The following RCN3 variants were observed in gnomAD, a reference collection of about 807,000 sequenced individuals.
RCN3 encodes the protein reticulocalbin-3.
In RCN3, 41 loss-of-function variants were observed where a neutral mutation model predicts 35.9. The observed-to-expected ratio is 1.14, with a 90% CI of 0.89 to 1.48. The LOEUF is 1.48. Ranked by LOEUF, RCN3 falls within the 40% of genes most tolerant of loss-of-function variation. RCN3 has a pLI of 0.00. For synonymous variants in RCN3, 187 were observed against 193.4 expected (o/e 0.97, Z 0.27); for missense variants, 451 against 471.3 (o/e 0.96, Z 0.40).
At chr19:49,538,803 G>C (rs749158123) in intron 4 of RCN3, among the ~76,000 whole-genome samples, 1 of 152,186 alleles carries the variant, frequency 6.6e-6, no homozygotes, top group Non-Finnish European at 1.5e-5. Flanking sequence ...CCCTTGGAGG[G>C]TGTTTGCTGG....
chr19:49,533,559 G>A (rs1316588064), intron 2 of RCN3, among the ~76,000 whole-genome samples: 1 of 152,182 alleles, frequency 6.6e-6, no homozygotes, highest in Non-Finnish European at 1.5e-5. Flanking sequence ...GAGGGGCAGA[G>A]GGAGACTGAG....
At chr19:49,531,013 G>C (rs1480614829) in intron 2 of RCN3, among the ~76,000 whole-genome samples, 1 of 152,176 alleles carries the variant, frequency 6.6e-6, no homozygotes, top group African/African-American at 2.4e-5. Flanking sequence ...AGTGGGAGGT[G>C]AGGGCAGAGA....
intron 1 of RCN3, 97 bp from the exon 2 acceptor site, chr19:49,528,370 G>T: frequency 8.2e-7 from 1 of 1,217,278 alleles, no homozygotes; most frequent in Non-Finnish European, 1.1e-6. Context: ...CCAACTCCCT[G>T]TCCTGTCCTA....
intron 1 of RCN3, 157 bp from the exon 2 acceptor site, chr19:49,528,310 T>C: frequency 3.1e-6 from 2 of 640,432 alleles, no homozygotes; most frequent in Non-Finnish European, 4.9e-6. Context: ...TCCCGCCCTC[T>C]TTTCCCCCAT....
chr19:49,539,074 G>A (rs1198436454), intron 4 of RCN3, 45 bp from the exon 5 acceptor site: 1 of 1,479,600 alleles, frequency 6.8e-7, no homozygotes, highest in Non-Finnish European at 9.2e-7. Context: ...TCCCCCAGGA[G>A]CCAGGGTCAT....
intron 2 of RCN3, among the ~76,000 whole-genome samples, chr19:49,533,095 T>C (rs901882003): frequency 1.3e-4 from 20 of 152,190 alleles, no homozygotes; most frequent in African/African-American, 4.8e-4. Flanking sequence ...AGAGGTTAAG[T>C]CACTTGCCCA....
chr19:49,535,429 C>T (rs975716732), intron 3 of RCN3, among the ~76,000 whole-genome samples: 17 of 152,168 alleles, frequency 1.1e-4, no homozygotes, highest in African/African-American at 4.1e-4. Context: ...TCAATTTTTG[C>T]ATTCAGAAAG....
chr19:49,529,254 G>T (rs1296159660), intron 2 of RCN3, among the ~76,000 whole-genome samples: 2 of 152,120 alleles, frequency 1.3e-5, no homozygotes, highest in South Asian at 2.1e-4. Context: ...CCCCCTAAGC[G>T]CTCCTTATTC....
rs372975993 is a variant in RCN3 at position 49,539,167 on chromosome 19, G to A, written c.667G>A (p.Glu223Lys). Residue 223 changes from glutamate (E) to lysine (K), a missense_variant, in exon 5 of 7, where the codon GAG (glutamate) becomes AAG (lysine). Physicochemically the swap from Glu to Lys is moderately conservative, Grantham distance 56 (BLOSUM62 1). Coordinates refer to ENST00000270645, the MANE Select transcript of RCN3 (RefSeq NM_020650.3). ...AAACAAAGATGGCTATGTCCAGGTG[G>A]AGGAGTACATCGGTGAGTGGGCCCC... Reference protein sequence around the residue: ...DRNKDGYVQVEEYIADLYSAE... With the variant: ...DRNKDGYVQVKEYIADLYSAE... 35 of 1,611,036 alleles carry A rather than the reference G, an allele frequency of 2.2e-5. No individual in the cohort carries two copies. Among genetic ancestry groups the A allele is most frequent in the Non-Finnish European group, 2.9e-5 (34 of 1,178,990 alleles).
Position 49,543,348 on chromosome 19 carries a change from C to A in RCN3, c.*135C>A. On this transcript the variant is annotated 3_prime_UTR_variant, in exon 7 of 7. Transcript: ENST00000270645. ...AGGCATCCTCCTGCCCCTGGGCTCT[C>A]AGGGACCCCCTGGGTCGGCTTCTGT... The A allele has an allele frequency of 1.4e-6, 1 of 730,602 alleles. No individual in the cohort carries two copies. The highest frequency in any genetic ancestry group is 2.4e-6 in the Non-Finnish European group (1 of 423,956). 45.3% of individuals were successfully genotyped at this position (730,602 alleles called of 1,614,324 possible).
At chr19:49,540,669 T>C (rs1260508027) in intron 5 of RCN3, among the ~76,000 whole-genome samples, 1 of 147,684 alleles carries the variant, frequency 6.8e-6, no homozygotes, top group Non-Finnish European at 1.5e-5. Flanking sequence ...CAGGCTGGAG[T>C]GCAGTGGGGT....
chr19:49,531,284 A>G (rs2080107088), intron 2 of RCN3, among the ~76,000 whole-genome samples: 1 of 152,080 alleles, frequency 6.6e-6, no homozygotes, highest in Non-Finnish European at 1.5e-5. Flanking sequence ...ATGCCGCTGC[A>G]CTCCAGCCTA....
intron 5 of RCN3, among the ~76,000 whole-genome samples, chr19:49,540,620 T>TAA (rs563890742): frequency 1.2e-4 from 16 of 137,430 alleles, no homozygotes; most frequent in African/African-American, 2.1e-4. Flanking sequence ...AACTCCATCT[T>TAA]AAAAAAAAAA....
At chr19:49,539,890 T>C (rs1011164448) in intron 5 of RCN3, among the ~76,000 whole-genome samples, 1 of 151,858 alleles carries the variant, frequency 6.6e-6, no homozygotes, top group African/African-American at 2.4e-5. Flanking sequence ...GCCTGGCTAA[T>C]TTTTGTATTT....
intron 2 of RCN3, among the ~76,000 whole-genome samples, chr19:49,532,254 T>A: frequency 7.6e-6 from 1 of 131,166 alleles, no homozygotes; most frequent in African/African-American, 2.9e-5. Flanking sequence ...TACAGGCACC[T>A]GCCACCACGC....
At position 49,536,288 on chromosome 19, in the gene RCN3, C is replaced by CTTTTT. The variant is rs968434638; in HGVS notation, c.446-725_446-721dup. On this transcript the variant is annotated intron_variant, in intron 3 of 6. Transcript: ENST00000270645. ...GGTTTGAGCCACCGCACCCGGCCTA[C>CTTTTT]TTTTTTTTTTTTTTTTTTTTTTTTG... Among the ~76,000 whole-genome samples the CTTTTT allele has an allele frequency of 4.0e-4, 28 of 70,824 alleles. 1 individual carries two copies. Among genetic ancestry groups the CTTTTT allele is most frequent in the African/African-American group, 4.8e-4 (8 of 16,504 alleles). 46.5% of individuals were successfully genotyped at this position (70,824 alleles called of 152,430 possible). A position where few individuals can be genotyped will look rare whatever the true frequency, so the allele number is the denominator to read the frequency against.
chr19:49,535,059 G>A (rs2080127919), intron 3 of RCN3, among the ~76,000 whole-genome samples: 1 of 152,126 alleles, frequency 6.6e-6, no homozygotes, highest in East Asian at 1.9e-4. Flanking sequence ...GGGCTCCGGG[G>A]GCGGGGTTCT....
Position 49,537,197 on chromosome 19 carries a change from G to A in RCN3, c.610G>A (p.Val204Met), listed in dbSNP as rs150923639. ...GGAGTTCCCTCACATGCGGGACATCGTGATTGCTGTGAGTGGCGGCTGGGG... is the reference window on the plus strand; with the variant it reads ...GGAGTTCCCTCACATGCGGGACATCATGATTGCTGTGAGTGGCGGCTGGGG... ...PEEFPHMRDI[V>M]IAETLEDLDR... is the part of the protein sequence containing the mutation. The change falls in exon 4 of 7, where the codon GTG becomes ATG. Residue 204 changes from valine to methionine, a missense_variant. By Grantham distance (21) the Val-to-Met change is conservative (BLOSUM62 1). Coordinates refer to ENST00000270645, the MANE Select transcript of RCN3 (RefSeq NM_020650.3). 754 of 1,516,514 alleles carry A rather than the reference G, an allele frequency of 5.0e-4. No homozygotes were observed. The African/African-American group carries it at 9.4e-3, about 19-fold the overall frequency. The allele number at this position is 1,516,514 out of a possible 1,614,324, so 93.9% of individuals were successfully genotyped here.
Position 49,539,186 on chromosome 19 carries a change from G to C in RCN3, c.679+7G>C, listed in dbSNP as rs2080151387. On this transcript the variant is annotated splice_region_variant and intron_variant, in intron 5 of 6. Transcript: ENST00000270645. ...CAGGTGGAGGAGTACATCGGTGAGT[G>C]GGCCCCAATTTCTTCTTGGGATGCC... 1 of 1,608,124 alleles carries C rather than the reference G, an allele frequency of 6.2e-7. No individual in the cohort carries two copies. Among genetic ancestry groups the C allele is most frequent in the South Asian group, 1.1e-5 (1 of 90,368 alleles).
Sources: gnomAD v4.1 joint callset for allele counts (sites outside exome capture counted in the v4.1 genomes callset) on GRCh38, gnomAD v4.1.1 for gene constraint, MANE v1.5 for transcripts, NCBI Gene and HGNC (gene_info 2026-07-23, HGNC 2026-07-21) for gene names.